MRPL18: variants seen among roughly 807,000 people sequenced by gnomAD.
MRPL18 encodes large ribosomal subunit protein uL18m.
A neutral mutation model predicts 20.9 loss-of-function variants in MRPL18; 16 were observed. The ratio of observed to expected loss-of-function variants is 0.76; its 90% CI spans 0.52 to 1.16. MRPL18 has a LOEUF of 1.16. Among genes scored for constraint, MRPL18 ranks in the 50% most tolerant of loss-of-function variants. The pLI is 0.00. For missense variants in MRPL18, 233 were observed against 230.6 expected, an observed-to-expected ratio of 1.01 and a Z score of -0.07; for synonymous variants, 91 against 87.1, an observed-to-expected ratio of 1.04 and a Z score of -0.25.
chr6:159,794,610 G>A (rs1056093972), intron 2 of MRPL18, among the ~76,000 whole-genome samples: 1 of 152,194 alleles, frequency 6.6e-6, no homozygotes, highest in African/African-American at 2.4e-5. Context: ...TGATTACAGT[G>A]TTGCATCGAA....
chr6:159,791,803 G>T (rs1780907637), intron 2 of MRPL18, among the ~76,000 whole-genome samples: 1 of 152,184 alleles, frequency 6.6e-6, no homozygotes, highest in Non-Finnish European at 1.5e-5. Context: ...TACTCCAGTG[G>T]CTGAGGCACG....
At chr6:159,794,784 T>C (rs1031936072) in intron 2 of MRPL18, among the ~76,000 whole-genome samples, 1 of 152,074 alleles carries the variant, frequency 6.6e-6, no homozygotes, top group Non-Finnish European at 1.5e-5. Context: ...TCTTGTTAGG[T>C]GGAACGAGAG....
intron 2 of MRPL18, 131 bp from the exon 3 acceptor site, chr6:159,797,156 G>T: frequency 1.2e-6 from 1 of 863,760 alleles, no homozygotes. Context: ...CAAAATCCAA[G>T]TTAAATATGT....
chr6:159,790,888 G>T, intron 1 of MRPL18, 52 bp from the exon 2 acceptor site: 1 of 1,598,482 alleles, frequency 6.3e-7, no homozygotes, highest in Middle Eastern at 1.7e-4. Context: ...GGGTTCGTGC[G>T]CTGTCCATAT....
intron 2 of MRPL18, among the ~76,000 whole-genome samples, chr6:159,792,449 T>G (rs1030948509): frequency 6.6e-6 from 1 of 152,188 alleles, no homozygotes; most frequent in African/African-American, 2.4e-5. Flanking sequence ...AAAGTAGATG[T>G]TATCCCTGTC....
chr6:159,797,654 T>C, intron 3 of MRPL18, 136 bp downstream of exon 3: 1 of 737,624 alleles, frequency 1.4e-6, no homozygotes, highest in Non-Finnish European at 2.2e-6. Flanking sequence ...CTCAACAGTG[T>C]TACTTCATTT....
At chr6:159,791,151 C>T (rs1554270186) in intron 2 of MRPL18, 25 bp downstream of exon 2, 4 of 1,613,026 alleles carry the variant, frequency 2.5e-6, no homozygotes, top group Admixed American at 1.7e-5. Flanking sequence ...TTGTGATTGA[C>T]AAGGGCAGTG....
intron 3 of MRPL18, 59 bp from the exon 4 acceptor site, chr6:159,797,993 T>G: frequency 7.2e-7 from 1 of 1,395,412 alleles, no homozygotes; most frequent in African/African-American, 1.4e-5. Flanking sequence ...GAAAGTATTT[T>G]CAGCCTACTC....
In MRPL18 at chr6:159,798,285, T is replaced by C. The variant is rs1055485124; in HGVS notation, c.*162T>C. On this transcript the variant is annotated 3_prime_UTR_variant, in exon 4 of 4. Coordinates refer to ENST00000367034, the MANE Select transcript of MRPL18 (RefSeq NM_014161.5). ...AAGGTCATCCTCCTCCCCTTTCTGT[T>C]TTTTTAAATCAAGAACTACGTTCTG... 1.8e-6 allele frequency: 1 copy of C among 544,376 alleles called. No individual in the cohort carries two copies. The highest frequency in any genetic ancestry group is 3.8e-5 in the Admixed American group (1 of 26,640). 33.7% of individuals were successfully genotyped at this position (544,376 alleles called of 1,614,324 possible).
At chr6:159,790,785 G>T in intron 1 of MRPL18, 146 bp downstream of exon 1, 2 of 1,377,686 alleles carry the variant, frequency 1.5e-6, no homozygotes, top group Non-Finnish European at 9.9e-7. Context: ...AGTTAAGGAC[G>T]GGGTCAGTGC....
At chr6:159,797,181 C>CA (rs1781048966) in intron 2 of MRPL18, 106 bp from the exon 3 acceptor site, 1 of 1,107,932 alleles carries the variant, frequency 9.0e-7, no homozygotes, top group African/African-American at 1.6e-5. Flanking sequence ...GTAAATGAAC[C>CA]AAACACTGGA....
rs761980758 is a variant in MRPL18, at chr6:159,797,348, G to T, written c.301G>T (p.Val101Phe). ...EALVEHQNGK[V>F]VVSASTREWA... The stretch of plus-strand genomic sequence containing the variant: ...ACTTGTGGAGCATCAGAATGGCAAG[G>T]TTGTGGTTTCGGCCTCCACTCGTGA... The change falls in exon 3 of 4, where the codon GTT (valine) becomes TTT (phenylalanine). Residue 101 changes from valine to phenylalanine, a missense_variant. Val to Phe is a conservative substitution (Grantham distance 50). Coordinates refer to ENST00000367034, the MANE Select transcript of MRPL18 (RefSeq NM_014161.5). The T allele has an allele frequency of 1.2e-6, 2 of 1,614,064 alleles. No homozygotes were observed. Among genetic ancestry groups the T allele is most frequent in the Non-Finnish European group, 8.5e-7 (1 of 1,180,050 alleles).
intron 2 of MRPL18, among the ~76,000 whole-genome samples, chr6:159,793,828 C>T (rs981316629): frequency 3.3e-5 from 5 of 151,868 alleles, no homozygotes; most frequent in African/African-American, 1.2e-4. Flanking sequence ...AGGAGAGTGG[C>T]GTGAACCTGG....
At position 159,790,546 on chromosome 6, in the gene MRPL18, G is replaced by T. The variant is rs201676646; in HGVS notation, c.-42G>T. On this transcript the variant is annotated 5_prime_UTR_variant, in exon 1 of 4. Coordinates refer to ENST00000367034, the MANE Select transcript of MRPL18 (RefSeq NM_014161.5). ...CTCCTGGCGAGCGACTGAGTCGTCCGTGAGGAAAAAGAGGCGAGGCTTTTC... is the reference window on the plus strand; with the variant it reads ...CTCCTGGCGAGCGACTGAGTCGTCCTTGAGGAAAAAGAGGCGAGGCTTTTC... 3.7e-6 allele frequency: 6 copies of T among 1,613,964 alleles called. No individual in the cohort carries two copies. The East Asian group carries it at 1.1e-4, about 30-fold the overall frequency.
At chr6:159,793,472 C>G (rs967525941) in intron 2 of MRPL18, among the ~76,000 whole-genome samples, 5 of 152,164 alleles carry the variant, frequency 3.3e-5, no homozygotes, top group Non-Finnish European at 5.9e-5. Context: ...TACCTACTCT[C>G]ATTTGTTTAC....
At chr6:159,794,961 A>T (rs1780993809) in intron 2 of MRPL18, among the ~76,000 whole-genome samples, 1 of 152,212 alleles carries the variant, frequency 6.6e-6, no homozygotes, top group Non-Finnish European at 1.5e-5. Flanking sequence ...ACAAGACAAT[A>T]GTGGGGAGAG....
chr6:159,793,324 T>A (rs777056307), intron 2 of MRPL18, among the ~76,000 whole-genome samples: 7 of 152,078 alleles, frequency 4.6e-5, no homozygotes, highest in Non-Finnish European at 8.8e-5. Flanking sequence ...CTACGGCCCG[T>A]GGGCCAAAGG....
At chr6:159,797,667 T>G (rs1196981248) in intron 3 of MRPL18, 149 bp downstream of exon 3, 10 of 707,762 alleles carry the variant, frequency 1.4e-5, no homozygotes, top group Non-Finnish European at 2.3e-5. Context: ...CTTCATTTAA[T>G]CCTCACATCA....
chr6:159,790,877 C>A, intron 1 of MRPL18, 63 bp from the exon 2 acceptor site: 2 of 1,579,704 alleles, frequency 1.3e-6, no homozygotes, highest in Non-Finnish European at 1.7e-6. Flanking sequence ...GACGTTAGAG[C>A]GGGTTCGTGC....
Sources: allele counts gnomAD v4.1 joint callset (sites outside exome capture counted in the v4.1 genomes callset), GRCh38; gene constraint gnomAD v4.1.1; transcripts MANE v1.5; gene names NCBI Gene and HGNC (gene_info 2026-07-23, HGNC 2026-07-21).